MAML3: variants seen among roughly 807,000 people sequenced by gnomAD.
The protein encoded by MAML3 is mastermind-like protein 3.
In MAML3, 27 loss-of-function variants were observed where a neutral mutation model predicts 101.9. The ratio of observed to expected loss-of-function variants is 0.27; its 90% CI spans 0.20 to 0.37. The LOEUF (loss-of-function observed/expected upper bound fraction) is 0.37. MAML3 is among the 10% of genes least tolerant of loss of function. MAML3 has a pLI of 1.00. For missense variants in MAML3, 1,316 were observed against 1,444.9 expected (o/e 0.91, Z 1.45); for synonymous variants, 501 against 555.9 (o/e 0.90, Z 1.39).
chr4:140,128,027 ACAGCATCCCAG>A (rs1728711001), intron 1 of MAML3: 1 of 152,212 alleles, frequency 6.6e-6, no homozygotes, highest in Non-Finnish European at 1.5e-5. Flanking sequence ...TGCCTCACAG[ACAGCATCCCAG>A]CACATCATGG....
chr4:139,952,179 A>G (rs1025714896), intron 1 of MAML3, among the ~76,000 whole-genome samples: 10 of 152,124 alleles, frequency 6.6e-5, no homozygotes, highest in African/African-American at 2.4e-4. Context: ...AGACAAACAA[A>G]CAAAAAGAAG....
Position 140,114,112 on chromosome 4 carries a change from C to T in MAML3, c.468+38748G>A, listed in dbSNP as rs140180464. 5.0e-3 allele frequency among the ~76,000 whole-genome samples: 754 copies of T among 152,292 alleles called. 6 individuals are homozygous for T. Among genetic ancestry groups the T allele is most frequent in the Non-Finnish European group, 7.3e-3 (499 of 67,990 alleles). ...TCAAGGCAGATCAGATGCCAACTCCCTGTGCAGTCTTCCCTGCACTCTCTG... is the reference window on the plus strand; with the variant it reads ...TCAAGGCAGATCAGATGCCAACTCCTTGTGCAGTCTTCCCTGCACTCTCTG... On this transcript the variant is annotated intron_variant, in intron 1 of 4. Transcript: ENST00000509479.
chr4:139,758,277 T>C (rs1729691475), intron 2 of MAML3, among the ~76,000 whole-genome samples: 1 of 152,194 alleles, frequency 6.6e-6, no homozygotes, highest in Admixed American at 6.5e-5. Context: ...GTTCTGGCCA[T>C]CCAGGGAAGG....
chr4:140,082,099 T>G (rs560815395), intron 1 of MAML3, among the ~76,000 whole-genome samples: 10 of 152,224 alleles, frequency 6.6e-5, no homozygotes, highest in African/African-American at 2.4e-4. Flanking sequence ...AGCAGACCAA[T>G]AAGATCTGCG....
At chr4:139,930,445 G>A (rs536084355) in intron 1 of MAML3, among the ~76,000 whole-genome samples, 1 of 152,312 alleles carries the variant, frequency 6.6e-6, no homozygotes, top group African/African-American at 2.4e-5. Flanking sequence ...AGGGAACTCA[G>A]CAGCTTGGAA....
At chr4:140,024,505 A>T (rs957884621) in intron 1 of MAML3, among the ~76,000 whole-genome samples, 7 of 152,122 alleles carry the variant, frequency 4.6e-5, no homozygotes, top group Non-Finnish European at 8.8e-5. Flanking sequence ...CTGGATTACA[A>T]GCGTGTGCTG....
intron 1 of MAML3, among the ~76,000 whole-genome samples, chr4:140,024,838 T>C (rs1473068516): frequency 8.5e-5 from 13 of 152,188 alleles, no homozygotes; most frequent in Admixed American, 8.5e-4. Context: ...CTCTGTTCAA[T>C]GCCATGAGAT....
intron 2 of MAML3, among the ~76,000 whole-genome samples, chr4:139,797,227 T>C (rs1578605852): frequency 6.6e-6 from 1 of 152,354 alleles, no homozygotes; most frequent in Middle Eastern, 3.4e-3. Flanking sequence ...AATACACATA[T>C]ACACATGCTG....
chr4:139,817,583 T>C lies in MAML3; in HGVS notation c.2079+71774A>G, dbSNP rs114483987. Reference sequence around the variant, plus strand: ...TCTGTTTACATGTCCTATCCCTCCATTCAGTGATTTTTCAGATCAGAGGAC... The same window carrying C: ...TCTGTTTACATGTCCTATCCCTCCACTCAGTGATTTTTCAGATCAGAGGAC... On this transcript the variant is annotated intron_variant, in intron 2 of 4. Transcript: ENST00000509479. 6.4e-3 allele frequency among the ~76,000 whole-genome samples: 970 copies of C among 152,254 alleles called. 13 individuals are homozygous for C. The highest frequency in any genetic ancestry group is 0.022 in the African/African-American group (913 of 41,544).
In MAML3 at chr4:139,720,060, G is replaced by A. The variant is rs1401359585; in HGVS notation, c.2680C>T (p.His894Tyr). The A allele has an allele frequency of 6.2e-7, 1 of 1,613,986 alleles. No individual in the cohort carries two copies. Among genetic ancestry groups the A allele is most frequent in the Admixed American group, 1.7e-5 (1 of 60,018 alleles). The change falls in exon 5 of 5, where the codon CAT becomes TAT. Residue 894 changes from histidine (H) to tyrosine (Y), a missense_variant. Transcript: ENST00000509479. ...TGCCTCGGTCCCTGGGCTTGGTTAT[G>A]TGTGATGCTCATGCCACTTTGGTTT... The part of the protein sequence containing the change: ...HPNQSGMSIT[H>Y]NQAQGPRQPA...
intron 1 of MAML3, among the ~76,000 whole-genome samples, chr4:139,979,254 C>T (rs1734401697): frequency 6.6e-6 from 1 of 152,212 alleles, no homozygotes; most frequent in Non-Finnish European, 1.5e-5. Flanking sequence ...TTGCCTTTCT[C>T]TTCAACATGC....
chr4:140,147,847 T>G (rs1729091202), intron 1 of MAML3, among the ~76,000 whole-genome samples: 1 of 152,112 alleles, frequency 6.6e-6, no homozygotes, highest in South Asian at 2.1e-4. Context: ...CTATTTAACA[T>G]GCAAAACAGG....
At chr4:139,736,676 A>C (rs1213206689) in intron 2 of MAML3, among the ~76,000 whole-genome samples, 1 of 152,236 alleles carries the variant, frequency 6.6e-6, no homozygotes, top group Non-Finnish European at 1.5e-5. Context: ...GTGTGGTTCC[A>C]GGATCAAATG....
intron 1 of MAML3, among the ~76,000 whole-genome samples, chr4:139,970,849 A>G (rs1257379851): frequency 6.6e-6 from 1 of 152,218 alleles, no homozygotes; most frequent in Non-Finnish European, 1.5e-5. Context: ...CACTGTTTCC[A>G]GAGGCCTAGA....
At chr4:139,942,521 A>C (rs1428438584) in intron 1 of MAML3, among the ~76,000 whole-genome samples, 1 of 152,146 alleles carries the variant, frequency 6.6e-6, no homozygotes, top group Non-Finnish European at 1.5e-5. Flanking sequence ...CCACTGCCCT[A>C]TGACATGGCC....
At chr4:139,877,305 A>G (rs1303827257) in intron 2 of MAML3, among the ~76,000 whole-genome samples, 3 of 144,688 alleles carry the variant, frequency 2.1e-5, no homozygotes, top group East Asian at 3.9e-4. Flanking sequence ...CCAAAATATA[A>G]TAGAGTATCT....
chr4:139,826,495 G>A (rs9996686), intron 2 of MAML3, among the ~76,000 whole-genome samples: 67,466 of 152,024 alleles, frequency 0.44, 15,228 homozygotes, highest in African/African-American at 0.5. Flanking sequence ...CAAAACATGG[G>A]TAGTATGGAT....
intron 1 of MAML3, among the ~76,000 whole-genome samples, chr4:139,913,883 C>T (rs1412679489): frequency 2.0e-5 from 3 of 152,204 alleles, no homozygotes; most frequent in African/African-American, 4.8e-5. Flanking sequence ...CCCACTTGCT[C>T]TCTGCCTTTA....
chr4:139,850,324 T>C (rs2111154635), intron 2 of MAML3, among the ~76,000 whole-genome samples: 1 of 152,340 alleles, frequency 6.6e-6, no homozygotes, highest in South Asian at 2.1e-4. Context: ...TCACTCTGCA[T>C]GACTAAGGTG....
Sources: gnomAD v4.1 joint callset for allele counts (sites outside exome capture counted in the v4.1 genomes callset) on GRCh38, gnomAD v4.1.1 for gene constraint, MANE v1.5 for transcripts, NCBI Gene and HGNC (gene_info 2026-07-23, HGNC 2026-07-21) for gene names.